Variants in UNC79 observed in about 807,000 individuals in gnomAD.
UNC79 encodes the protein protein unc-79 homolog.
In UNC79, 37 loss-of-function variants were observed where a neutral mutation model predicts 283.1. That is an observed-to-expected ratio of 0.13 (90% CI 0.10 to 0.17). The LOEUF is 0.17. Ranked by LOEUF, UNC79 falls within the 10% of genes least tolerant of loss-of-function variation. The pLI is 1.00. For synonymous variants in UNC79, 1,107 were observed against 1,200.2 expected (o/e 0.92, Z 1.61); for missense variants, 2,272 against 3,211.1 (o/e 0.71, Z 7.07).
At position 93,604,327 on chromosome 14, in the gene UNC79, T is replaced by C. The variant is rs2065731638; in HGVS notation, c.3754+909T>C. On this transcript the variant is annotated intron_variant, in intron 26 of 48. Transcript: ENST00000555664. Reference sequence around the variant, plus strand: ...TATTAGAATACAGCCTTATATAACATAACCATTTATAATCATAAATATGAT... The same window carrying C: ...TATTAGAATACAGCCTTATATAACACAACCATTTATAATCATAAATATGAT... Among the ~76,000 whole-genome samples the C allele has an allele frequency of 1.3e-5, 2 of 152,206 alleles. 1 individual carries two copies. The highest frequency in any genetic ancestry group is 4.1e-4 in the South Asian group (2 of 4,832).
chr14:93,570,185 G>A (rs1355893091), intron 14 of UNC79, among the ~76,000 whole-genome samples: 1 of 152,148 alleles, frequency 6.6e-6, no homozygotes, highest in African/African-American at 2.4e-5. Context: ...CTGGCCTCAG[G>A]CGATCTTTTT....
chr14:93,489,350 A>C (rs2058611976), intron 5 of UNC79, among the ~76,000 whole-genome samples: 1 of 152,188 alleles, frequency 6.6e-6, no homozygotes, highest in African/African-American at 2.4e-5. Flanking sequence ...ATAGCCCCAA[A>C]AATCGTAACT....
chr14:93,456,045 A>G (rs1362838079), intron 1 of UNC79, among the ~76,000 whole-genome samples: 1 of 151,842 alleles, frequency 6.6e-6, no homozygotes, highest in Non-Finnish European at 1.5e-5. Flanking sequence ...GATGAGGTGA[A>G]TGATGAAATA....
chr14:93,349,137 T>G (rs977401434), intron 1 of UNC79, among the ~76,000 whole-genome samples: 3 of 152,066 alleles, frequency 2.0e-5, no homozygotes, highest in African/African-American at 7.2e-5. Flanking sequence ...AGGAACAAAC[T>G]CCGGACACAC....
chr14:93,378,135 T>C (rs545356464), intron 1 of UNC79, among the ~76,000 whole-genome samples: 13 of 152,334 alleles, frequency 8.5e-5, no homozygotes, highest in Admixed American at 3.3e-4. Context: ...TTTACTGTCA[T>C]GCTTAAGCTC....
intron 7 of UNC79, among the ~76,000 whole-genome samples, chr14:93,518,445 T>C (rs1157747272): frequency 6.6e-6 from 1 of 151,760 alleles, no homozygotes; most frequent in African/African-American, 2.4e-5. Flanking sequence ...TTTTCAATTT[T>C]TTTTTTGTCC....
chr14:93,684,783 A>G (rs1438303603), intron 42 of UNC79, among the ~76,000 whole-genome samples: 1 of 152,198 alleles, frequency 6.6e-6, no homozygotes, highest in African/African-American at 2.4e-5. Context: ...ATAATCTAAG[A>G]AATGTAACTT....
chr14:93,610,992 G>A (rs142852934), intron 26 of UNC79, among the ~76,000 whole-genome samples: 2 of 152,248 alleles, frequency 1.3e-5, no homozygotes, highest in African/African-American at 4.8e-5. Flanking sequence ...CATAGGTATT[G>A]TATTTGGTCA....
intron 33 of UNC79, among the ~76,000 whole-genome samples, chr14:93,642,839 T>C (rs2069192186): frequency 6.6e-6 from 1 of 152,234 alleles, no homozygotes; most frequent in Non-Finnish European, 1.5e-5. Flanking sequence ...CTATTCCCAT[T>C]AGACTTTCGC....
chr14:93,526,512 A>T (rs1198219122), intron 8 of UNC79, among the ~76,000 whole-genome samples: 2 of 152,190 alleles, frequency 1.3e-5, no homozygotes, highest in Non-Finnish European at 2.9e-5. Context: ...ATCAAGATGG[A>T]AGGTTAATGT....
exon 26 of UNC79, chr14:93,603,293 A>C (rs1340262959): frequency 1.2e-6 from 2 of 1,614,228 alleles, no homozygotes; most frequent in Admixed American, 3.3e-5. Flanking sequence ...GCCTTATGGA[A>C]GATCAAGAGA....
chr14:93,565,614 G>A (rs751553145), intron 14 of UNC79, among the ~76,000 whole-genome samples: 6 of 152,138 alleles, frequency 3.9e-5, no homozygotes, highest in African/African-American at 7.2e-5. Context: ...TACATCCACA[G>A]GGACTCAAAT....
intron 46 of UNC79, 95 bp from the exon 50 acceptor site, chr14:93,694,240 T>A: frequency 8.9e-7 from 1 of 1,122,110 alleles, no homozygotes. Context: ...AAAGACCTCA[T>A]GGGCACAGGA....
chr14:93,704,737 T>C, intron 48 of UNC79, 71 bp downstream of exon 51: 1 of 1,552,502 alleles, frequency 6.4e-7, no homozygotes. Flanking sequence ...TAGGGATTGT[T>C]GATGCTCCAT....
exon 4 of UNC79, chr14:93,477,641 A>G: frequency 1.9e-6 from 3 of 1,613,394 alleles, no homozygotes; most frequent in Non-Finnish European, 2.5e-6. Flanking sequence ...GCCCTACACG[A>G]TGATATCAAC....
At chr14:93,446,744 T>C (rs1392541055) in intron 1 of UNC79, among the ~76,000 whole-genome samples, 1 of 152,192 alleles carries the variant, frequency 6.6e-6, no homozygotes, top group African/African-American at 2.4e-5. Context: ...CTGGTTATCT[T>C]GTTTTTGATT....
At chr14:93,377,424 A>G (rs533689564) in intron 1 of UNC79, among the ~76,000 whole-genome samples, 2 of 152,192 alleles carry the variant, frequency 1.3e-5, no homozygotes, top group Admixed American at 1.3e-4. Context: ...GAAAACGGTG[A>G]TGTACTGAGG....
At chr14:93,374,822 C>T (rs143358821) in intron 1 of UNC79, among the ~76,000 whole-genome samples, 19 of 152,232 alleles carry the variant, frequency 1.2e-4, no homozygotes, top group East Asian at 7.7e-4. Flanking sequence ...GATGGGATTA[C>T]GGGTGTGAGC....
At chr14:93,473,096 A>G (rs1332563971) in intron 2 of UNC79, among the ~76,000 whole-genome samples, 1 of 151,990 alleles carries the variant, frequency 6.6e-6, no homozygotes, top group African/African-American at 2.4e-5. Flanking sequence ...TTTAGAATTT[A>G]TTTTTATTCC....
Sources: allele counts gnomAD v4.1 joint callset (sites outside exome capture counted in the v4.1 genomes callset), GRCh38; gene constraint gnomAD v4.1.1; transcripts MANE v1.5; gene names NCBI Gene and HGNC (gene_info 2026-07-23, HGNC 2026-07-21).